RET: variants seen among roughly 807,000 people sequenced by gnomAD.
The protein encoded by RET is proto-oncogene tyrosine-protein kinase receptor Ret.
A neutral mutation model predicts 118.3 loss-of-function variants in RET; 19 were observed. The observed-to-expected ratio is 0.16, with a 90% CI of 0.11 to 0.24. The LOEUF (loss-of-function observed/expected upper bound fraction) is 0.24, where lower values mean the gene tolerates loss of function less well. Ranked by LOEUF, RET falls within the 10% of genes least tolerant of loss-of-function variation. The pLI, the probability that RET is intolerant of heterozygous loss-of-function variation, is 1.00. For synonymous variants in RET, 597 were observed against 644.1 expected (o/e 0.93, Z 1.11); for missense variants, 1,219 against 1,502.1 (o/e 0.81, Z 3.12).
chr10:43,081,949 C>G (rs1837194194), intron 1 of RET, among the ~76,000 whole-genome samples: 1 of 152,224 alleles, frequency 6.6e-6, no homozygotes, highest in African/African-American at 2.4e-5. Context: ...CCTGCTTTAC[C>G]TCTCTGCTTT....
chr10:43,084,122 C>T (rs1837242080), intron 1 of RET, among the ~76,000 whole-genome samples: 1 of 152,236 alleles, frequency 6.6e-6, no homozygotes, highest in African/African-American at 2.4e-5. Flanking sequence ...ACCCATTCAT[C>T]TGGGGATGGA....
Position 43,114,675 on chromosome 10 carries a change from C to A in RET, c.2075C>A (p.Ala692Asp), listed in dbSNP as rs1403143093. Residue 692 changes from alanine (A) to aspartate (D), a missense_variant, in exon 11 of 20, where the codon GCC (alanine) becomes GAC (aspartate). By Grantham distance (126) the Ala-to-Asp change is moderately radical (BLOSUM62 -2). Around this residue, in one of 5 missense-constraint regions of RET, gnomAD observed 850 missense variants for 969.6 expected, o/e 0.88. Coordinates refer to ENST00000355710, the MANE Select transcript of RET (RefSeq NM_020975.6). The surrounding 1 kb of genome is among the most constrained non-coding windows in gnomAD (Gnocchi z 4.6). ...AFPVSYSSSG[A>D]RRPSLDSMEN... ...CCGGTCAGCTACTCCTCTTCCGGTG[C>A]CCGCCGGCCCTCGCTGGACTCCATG... 1 of 1,612,558 alleles carries A rather than the reference C, an allele frequency of 6.2e-7. No individual in the cohort carries two copies. The highest frequency in any genetic ancestry group is 8.5e-7 in the Non-Finnish European group (1 of 1,179,964).
Position 43,102,465 on chromosome 10 carries a change from T to C in RET, c.461T>C (p.Phe154Ser). 6.2e-7 allele frequency: 1 copy of C among 1,614,198 alleles called. No individual in the cohort carries two copies. The highest frequency in any genetic ancestry group is 8.5e-7 in the Non-Finnish European group (1 of 1,180,028). Residue 154 changes from phenylalanine to serine, a missense_variant, in exon 3 of 20, where the codon TTT (phenylalanine) becomes TCT (serine). This residue lies in a region of RET where 850 missense variants were observed against 969.6 expected (regional missense o/e 0.88). Transcript: ENST00000355710. ...TACTTCTCCTTCTTCAACACCTCCT[T>C]TCCAGCCTGCAGCTCCCTCAAGCCC... is the stretch of plus-strand genomic sequence containing the variant. ...RVYFSFFNTS[F>S]PACSSLKPRE...
At chr10:43,117,660 G>A (rs79045327) in intron 12 of RET, among the ~76,000 whole-genome samples, 752 of 152,346 alleles carry the variant, frequency 4.9e-3, no homozygotes, top group Middle Eastern at 6.8e-3. Context: ...GGCCACCATC[G>A]GGACGCATGT....
chr10:43,080,439 G>A (rs1016322211), intron 1 of RET, among the ~76,000 whole-genome samples: 54 of 152,370 alleles, frequency 3.5e-4, no homozygotes, highest in African/African-American at 1.3e-3. Context: ...TCATGGTCTT[G>A]GCCCATTTCA....
At chr10:43,105,298 C>G (rs917768732) in intron 4 of RET, 105 bp downstream of exon 4, 126 of 1,534,676 alleles carry the variant, frequency 8.2e-5, no homozygotes, top group Non-Finnish European at 1.0e-4. Flanking sequence ...TGTGGCCGAC[C>G]ATTCGCGCTT....
chr10:43,108,941 G>T, intron 5 of RET, 90 bp from the exon 6 acceptor site: 2 of 1,249,416 alleles, frequency 1.6e-6, no homozygotes, highest in South Asian at 1.2e-5. Context: ...GCACCAGTGT[G>T]AGTGCAGGGC....
chr10:43,094,882 G>A (rs144121729), intron 1 of RET, among the ~76,000 whole-genome samples: 79 of 152,330 alleles, frequency 5.2e-4, no homozygotes, highest in African/African-American at 1.6e-3. Flanking sequence ...AATGGTATGC[G>A]TCTGAGAGAA....
intron 13 of RET, 76 bp from the exon 14 acceptor site, chr10:43,119,455 G>A (rs1011427316): frequency 1.2e-5 from 16 of 1,311,584 alleles, no homozygotes; most frequent in Admixed American, 8.0e-5. Context: ...GGGACCCTGC[G>A]GCCTCCCACC....
intron 12 of RET, among the ~76,000 whole-genome samples, chr10:43,117,550 C>A (rs1838101140): frequency 6.6e-6 from 1 of 152,216 alleles, no homozygotes. Flanking sequence ...CACAGCTGGG[C>A]AGTGGGACAG....
At chr10:43,077,452 G>C (rs866833822) in intron 1 of RET, 121 bp downstream of exon 1, 3 of 1,260,734 alleles carry the variant, frequency 2.4e-6, no homozygotes, top group Non-Finnish European at 2.0e-6. Context: ...TGCGGTCGCC[G>C]GCCACCCGGC....
intron 15 of RET, 74 bp from the exon 16 acceptor site, chr10:43,121,872 C>T (rs2132982695): frequency 8.9e-7 from 1 of 1,128,212 alleles, no homozygotes; most frequent in Non-Finnish European, 1.4e-6. Flanking sequence ...GGGATAGGGC[C>T]TGGCCTTCTC....
At chr10:43,077,356 CCGCAGGGG>C in intron 1 of RET, 25 bp downstream of exon 1, 1 of 1,503,638 alleles carries the variant, frequency 6.7e-7, no homozygotes, top group Non-Finnish European at 8.8e-7. Context: ...CCGCCGGCTC[CCGCAGGGG>C]CCAGGGCGAA....
In RET at chr10:43,123,687, C is replaced by T. The variant is rs780967888; in HGVS notation, c.2818C>T (p.Leu940=). ...TQSDVWSFGV[L]LWEIVTLGGN... The stretch of plus-strand genomic sequence containing the variant: ...TCTCTGCAGATGGTCTTTTGGTGTC[C>T]TGCTGTGGGAGATCGTGACCCTAGG... The change falls in exon 17 of 20, where the codon CTG becomes TTG. Residue 940 remains leucine, a synonymous_variant. Transcript: ENST00000355710. 1.9e-6 allele frequency: 3 copies of T among 1,614,144 alleles called. No individual in the cohort carries two copies. The highest frequency in any genetic ancestry group is 8.5e-7 in the Non-Finnish European group (1 of 1,180,032).
At position 43,077,306 on chromosome 10, in the gene RET, G is replaced by A; in HGVS notation, c.48G>A (p.Leu16=). Residue 16 remains leucine (L), a synonymous_variant, in exon 1 of 20, where the codon CTG becomes CTA. Coordinates refer to ENST00000355710, the MANE Select transcript of RET (RefSeq NM_020975.6). ...SGAAGLRLLL[L]LLLPLLGKVA... ...CCGCGGGGCTGCGTCTGCTGTTGCT[G>A]CTGCTGCTGCCGCTGCTAGGCAAAG... The A allele has an allele frequency of 6.6e-7, 1 of 1,511,862 alleles. No individual in the cohort carries two copies. The highest frequency in any genetic ancestry group is 8.8e-7 in the Non-Finnish European group (1 of 1,135,574). 93.7% of individuals were successfully genotyped at this position (1,511,862 alleles called of 1,614,324 possible). A position where few individuals can be genotyped will look rare whatever the true frequency, so the allele number is the denominator to read the frequency against.
chr10:43,128,987 G>GTTTTTTAAT lies in RET; in HGVS notation c.*718_*719insTTTTTTAAT. The GTTTTTTAAT allele has an allele frequency of 4.2e-6, 1 of 236,980 alleles. No homozygotes were observed. The allele number at this position is 236,980 out of a possible 1,614,324, so 14.7% of individuals were successfully genotyped here. A position where few individuals can be genotyped will look rare whatever the true frequency, so the allele number is the denominator to read the frequency against. ...TTTACTATGTGGATGGTGGTATCAG[G>GTTTTTTAAT]GAAGAGGGCTCACAAGACACATTTG... is the stretch of plus-strand genomic sequence containing the variant. On this transcript the variant is annotated 3_prime_UTR_variant, in exon 20 of 20. Coordinates refer to ENST00000355710, the MANE Select transcript of RET (RefSeq NM_020975.6).
Position 43,112,956 on chromosome 10 carries a change from C to T in RET, c.1752C>T (p.Asp584=), listed in dbSNP as rs2132817239. Residue 584 remains aspartate (D), a synonymous_variant, in exon 9 of 20, where the codon GAC becomes GAT. Coordinates refer to ENST00000355710, the MANE Select transcript of RET (RefSeq NM_020975.6). The stretch of plus-strand genomic sequence containing the variant: ...AAGACATCAACATTTGCCCTCAGGA[C>T]TGCCTCCGTAAGCAGGGTTTAATCA... ...ETQDINICPQ[D]CLRGSIVGGH... is the part of the protein sequence containing the mutation. 6.2e-7 allele frequency: 1 copy of T among 1,613,690 alleles called. No individual in the cohort carries two copies. Among genetic ancestry groups the T allele is most frequent in the Non-Finnish European group, 8.5e-7 (1 of 1,179,590 alleles).
rs761777383 is a variant in RET, at chr10:43,114,754, G to T, written c.2136+18G>T. 7.5e-6 allele frequency: 12 copies of T among 1,598,742 alleles called. No homozygotes were observed. Among genetic ancestry groups the T allele is most frequent in the Admixed American group, 3.4e-5 (2 of 58,906 alleles). On this transcript the variant is annotated intron_variant, in intron 11 of 19. Coordinates refer to ENST00000355710, the MANE Select transcript of RET (RefSeq NM_020975.6). The surrounding 1 kb of genome is among the most constrained non-coding windows in gnomAD (Gnocchi z 4.6). ...AGATCCTGGTGAGGGTCCCTGCGGG[G>T]CAGGGAAGATCCCCTGCCCTCCCCA...
At chr10:43,100,330 C>A (rs1837608712) in intron 1 of RET, 129 bp from the exon 2 acceptor site, 2 of 1,057,994 alleles carry the variant, frequency 1.9e-6, no homozygotes, top group East Asian at 2.5e-5. Context: ...ATTGAGTGTT[C>A]ATGTTCTCAG....
Sources: allele counts gnomAD v4.1 joint callset (sites outside exome capture counted in the v4.1 genomes callset), GRCh38; gene constraint gnomAD v4.1.1; regional missense constraint gnomAD v4.1.1; non-coding constraint Gnocchi (gnomAD v3.1); transcripts MANE v1.5; gene names NCBI Gene and HGNC (gene_info 2026-07-23, HGNC 2026-07-21).